CUX2: variants seen among roughly 807,000 people sequenced by gnomAD.
CUX2 encodes homeobox protein cut-like 2.
CUX2 carries 40 observed loss-of-function variants against 144.8 expected under a neutral mutation model. The observed-to-expected ratio is 0.28, with a 90% CI of 0.21 to 0.36. CUX2 has a LOEUF of 0.36. Among genes scored for constraint, CUX2 ranks in the 10% least tolerant of loss-of-function variants. The pLI is 1.00. For synonymous variants in CUX2, 827 were observed against 875.6 expected (o/e 0.94, Z 0.98); for missense variants, 1,615 against 1,994.0 (o/e 0.81, Z 3.62).
intron 20 of CUX2, among the ~76,000 whole-genome samples, chr12:111,338,719 G>T (rs569591825): frequency 1.3e-5 from 2 of 152,096 alleles, no homozygotes; most frequent in Non-Finnish European, 2.9e-5. Flanking sequence ...AAGACAGGAG[G>T]ATCACTTGGG....
chr12:111,069,520 CTGTGTG>C (rs150243402), intron 1 of CUX2, among the ~76,000 whole-genome samples: 24 of 139,800 alleles, frequency 1.7e-4, no homozygotes, highest in Non-Finnish European at 3.0e-4. Flanking sequence ...AAGCCTTGCT[CTGTGTG>C]TGTGTGTGTG....
At chr12:111,311,600 A>ATTTT (rs1490811302) in intron 15 of CUX2, among the ~76,000 whole-genome samples, 18 of 138,506 alleles carry the variant, frequency 1.3e-4, no homozygotes, top group African/African-American at 4.6e-4. Flanking sequence ...CTTTATTATT[A>ATTTT]TTATTTTTTT....
intron 1 of CUX2, among the ~76,000 whole-genome samples, chr12:111,058,569 C>G (rs1010957550): frequency 4.6e-5 from 7 of 151,292 alleles, no homozygotes; most frequent in Admixed American, 1.3e-4. Flanking sequence ...GAGAGAGAGA[C>G]AGACAGACAG....
chr12:111,044,533 T>G (rs1354172698), intron 1 of CUX2, among the ~76,000 whole-genome samples: 1 of 145,214 alleles, frequency 6.9e-6, no homozygotes, highest in Non-Finnish European at 1.5e-5. Flanking sequence ...AGTTTGGTCC[T>G]TTGCTTGAAT....
At chr12:111,346,492 A>G (rs1888812181) in intron 21 of CUX2, among the ~76,000 whole-genome samples, 2 of 151,696 alleles carry the variant, frequency 1.3e-5, no homozygotes, top group African/African-American at 4.8e-5. Flanking sequence ...AAAAAAAAAG[A>G]AAAGAAAACC....
intron 1 of CUX2, among the ~76,000 whole-genome samples, chr12:111,183,491 G>T (rs1423594228): frequency 6.6e-6 from 1 of 152,256 alleles, no homozygotes; most frequent in Admixed American, 6.5e-5. Flanking sequence ...CAGAGGCAGG[G>T]TGAGGTTGTT....
intron 1 of CUX2, among the ~76,000 whole-genome samples, chr12:111,143,300 C>T (rs1331205400): frequency 6.6e-6 from 1 of 152,168 alleles, no homozygotes; most frequent in Non-Finnish European, 1.5e-5. Flanking sequence ...GTTTCCAGCT[C>T]CAAACTCTAA....
At position 111,104,325 on chromosome 12, in the gene CUX2, G is replaced by A. The variant is rs184154207; in HGVS notation, c.63+70085G>A. ...TTGAATGCATGCATGGATTTGGGGC[G>A]TTAAGAAGGATTTAATCGAGAAGCC... On this transcript the variant is annotated intron_variant, in intron 1 of 21. Coordinates refer to ENST00000261726, the MANE Select transcript of CUX2 (RefSeq NM_015267.4). Among the ~76,000 whole-genome samples the A allele has an allele frequency of 1.6e-3, 241 of 152,306 alleles. 2 individuals are homozygous for A. The highest frequency in any genetic ancestry group is 0.015 in the East Asian group (79 of 5,186).
chr12:111,161,350 C>T (rs1877756447), intron 1 of CUX2, among the ~76,000 whole-genome samples: 1 of 152,100 alleles, frequency 6.6e-6, no homozygotes, highest in Non-Finnish European at 1.5e-5. Flanking sequence ...GCATTGAGGC[C>T]TCAGAACACT....
chr12:111,166,426 C>T (rs917306197), intron 1 of CUX2, among the ~76,000 whole-genome samples: 3 of 152,152 alleles, frequency 2.0e-5, no homozygotes, highest in Admixed American at 6.5e-5. Context: ...TCTGAGTAGA[C>T]GACATACCGT....
intron 4 of CUX2, chr12:111,270,592 C>A (rs532459517): frequency 2.0e-5 from 3 of 148,940 alleles, no homozygotes; most frequent in African/African-American, 7.5e-5. Context: ...TCACTAGGTA[C>A]GGACCCAAGC....
In CUX2 at chr12:111,255,585, A is replaced by T. The variant is rs965258144; in HGVS notation, c.223-8176A>T. ...CGATTCTGAGTGGAGGCTGAGAAGC[A>T]TGGGCTTTGCTGTCAGACTAAGCTG... On this transcript the variant is annotated intron_variant, in intron 3 of 21. Transcript: ENST00000261726. This position sits in a 1 kb window ranked among gnomAD's most constrained non-coding sequence, Gnocchi z 4.1. 1.3e-5 allele frequency among the ~76,000 whole-genome samples: 2 copies of T among 152,198 alleles called. No individual in the cohort carries two copies. Among genetic ancestry groups the T allele is most frequent in the African/African-American group, 4.8e-5 (2 of 41,450 alleles).
rs144893188 is a variant in CUX2 at position 111,056,404 on chromosome 12, G to A, written c.63+22164G>A. On this transcript the variant is annotated intron_variant, in intron 1 of 21. Coordinates refer to ENST00000261726, the MANE Select transcript of CUX2 (RefSeq NM_015267.4). ...TCATCTGGGCAGATTCAACATTTGC[G>A]GGTAATTTGACAACTCCCACATCTG... Among the ~76,000 whole-genome samples, 4 of 152,296 alleles carry A rather than the reference G, an allele frequency of 2.6e-5. No homozygotes were observed. The South Asian group carries it at 6.2e-4, about 24-fold the overall frequency.
chr12:111,212,115 A>G (rs2136222426), intron 1 of CUX2, among the ~76,000 whole-genome samples: 1 of 152,164 alleles, frequency 6.6e-6, no homozygotes, highest in Non-Finnish European at 1.5e-5. Context: ...TGGCCGCGCC[A>G]GTCTACCTTT....
chr12:111,049,283 A>G (rs780727949), intron 1 of CUX2, among the ~76,000 whole-genome samples: 21 of 152,048 alleles, frequency 1.4e-4, no homozygotes, highest in Non-Finnish European at 2.2e-4. Context: ...TCATCTATCC[A>G]TTCATCCACT....
intron 1 of CUX2, among the ~76,000 whole-genome samples, chr12:111,202,353 A>G (rs1880645898): frequency 6.6e-6 from 1 of 152,220 alleles, no homozygotes; most frequent in Admixed American, 6.5e-5. Flanking sequence ...ATCAGCAATC[A>G]AGGGCAGGAG....
intron 4 of CUX2, among the ~76,000 whole-genome samples, chr12:111,275,678 G>A (rs545333273): frequency 1.2e-4 from 19 of 152,308 alleles, no homozygotes; most frequent in South Asian, 2.1e-4. Flanking sequence ...CCCCAAGTGC[G>A]GAGTCCACAT....
At chr12:111,094,102 T>C (rs1049597411) in intron 1 of CUX2, among the ~76,000 whole-genome samples, 1 of 152,250 alleles carries the variant, frequency 6.6e-6, no homozygotes, top group Non-Finnish European at 1.5e-5. Flanking sequence ...GGACAGTGTA[T>C]TATTAACCAT....
chr12:111,329,325 G>A (rs1000959729), intron 18 of CUX2, among the ~76,000 whole-genome samples: 11 of 151,250 alleles, frequency 7.3e-5, no homozygotes, highest in South Asian at 2.1e-4. Flanking sequence ...CCCTGTCGTC[G>A]CCTCCCTCTC....
Sources: gnomAD v4.1 joint callset for allele counts (sites outside exome capture counted in the v4.1 genomes callset) on GRCh38, gnomAD v4.1.1 for gene constraint, Gnocchi (gnomAD v3.1) non-coding constraint, MANE v1.5 for transcripts, NCBI Gene and HGNC (gene_info 2026-07-23, HGNC 2026-07-21) for gene names.